DSCAM: variants seen among roughly 807,000 people sequenced by gnomAD.
The protein encoded by DSCAM is cell adhesion molecule DSCAM.
In DSCAM, 47 loss-of-function variants were observed where a neutral mutation model predicts 217.7. That is an observed-to-expected ratio of 0.22 (90% CI 0.17 to 0.28). The LOEUF (loss-of-function observed/expected upper bound fraction) is 0.28. Among genes scored for constraint, DSCAM ranks in the 10% least tolerant of loss-of-function variants. The pLI is 1.00. For synonymous variants in DSCAM, 1,056 were observed against 1,015.3 expected (o/e 1.04, Z -0.76); for missense variants, 2,080 against 2,618.3 (o/e 0.79, Z 4.49).
chr21:40,661,289 C>G (rs1018049186), intron 3 of DSCAM, among the ~76,000 whole-genome samples: 2 of 152,156 alleles, frequency 1.3e-5, no homozygotes, highest in African/African-American at 4.8e-5. Context: ...TCAATTCTAT[C>G]TAACACTCGT....
At chr21:40,577,566 C>T (rs1474686909) in intron 3 of DSCAM, among the ~76,000 whole-genome samples, 1 of 151,748 alleles carries the variant, frequency 6.6e-6, no homozygotes, top group Non-Finnish European at 1.5e-5. Context: ...CCAGGCAAGT[C>T]AGAGAAAACG....
At chr21:40,502,960 A>G (rs916216781) in intron 3 of DSCAM, among the ~76,000 whole-genome samples, 2 of 152,262 alleles carry the variant, frequency 1.3e-5, no homozygotes, top group South Asian at 2.1e-4. Flanking sequence ...CATGGGCTCC[A>G]TGAGTTTGCC....
chr21:40,364,295 T>G (rs537340017), intron 4 of DSCAM, among the ~76,000 whole-genome samples: 3 of 152,068 alleles, frequency 2.0e-5, no homozygotes, highest in Non-Finnish European at 2.9e-5. Flanking sequence ...CCAACAATGA[T>G]AGACTGGATT....
intron 3 of DSCAM, among the ~76,000 whole-genome samples, chr21:40,446,849 G>A (rs1325901253): frequency 6.6e-6 from 1 of 152,138 alleles, no homozygotes; most frequent in African/African-American, 2.4e-5. Context: ...AAATCCCTAT[G>A]ACTTTCAAAG....
intron 11 of DSCAM, among the ~76,000 whole-genome samples, chr21:40,227,304 T>C (rs2091342025): frequency 6.6e-6 from 1 of 152,218 alleles, no homozygotes; most frequent in African/African-American, 2.4e-5. Context: ...AGGTGCATCC[T>C]GTGAGAATCA....
At chr21:40,520,591 G>A (rs1460707278) in intron 3 of DSCAM, among the ~76,000 whole-genome samples, 2 of 152,020 alleles carry the variant, frequency 1.3e-5, no homozygotes, top group Non-Finnish European at 2.9e-5. Context: ...GGCAGATCAC[G>A]AGATCAGGAG....
chr21:40,807,058 T>C (rs1191725097), intron 1 of DSCAM, among the ~76,000 whole-genome samples: 1 of 152,162 alleles, frequency 6.6e-6, no homozygotes, highest in Non-Finnish European at 1.5e-5. Flanking sequence ...TGTATACCTA[T>C]GTAACAAATC....
chr21:40,227,160 A>G (rs1027140790), intron 11 of DSCAM, among the ~76,000 whole-genome samples: 3 of 152,174 alleles, frequency 2.0e-5, no homozygotes, highest in African/African-American at 7.2e-5. Flanking sequence ...CTAGGAGGAA[A>G]AAAAAATCAT....
At chr21:40,393,271 C>A (rs2075150183) in intron 3 of DSCAM, among the ~76,000 whole-genome samples, 1 of 152,196 alleles carries the variant, frequency 6.6e-6, no homozygotes, top group Admixed American at 6.5e-5. Flanking sequence ...ATCTCCAGAT[C>A]CACGTGCATG....
At chr21:40,376,665 A>AGATATC (rs1232014188) in intron 3 of DSCAM, among the ~76,000 whole-genome samples, 29 of 103,476 alleles carry the variant, frequency 2.8e-4, no homozygotes, top group African/African-American at 1.2e-3. Context: ...TATATATCTT[A>AGATATC]TATAGATATC....
chr21:40,194,384 T>A (rs1488446864), intron 11 of DSCAM, among the ~76,000 whole-genome samples: 2 of 152,216 alleles, frequency 1.3e-5, no homozygotes, highest in Admixed American at 6.5e-5. Flanking sequence ...CAGTTATGGA[T>A]GCCTAGAGAT....
chr21:40,792,137 C>CTTTTTTTTTTTTTTTTTTTTTT (rs67838146), intron 1 of DSCAM, among the ~76,000 whole-genome samples: 1 of 118,606 alleles, frequency 8.4e-6, no homozygotes, highest in African/African-American at 3.7e-5. Context: ...TCTTCTTCTT[C>CTTTTTTTTTTTTTTTTTTTTTT]TTTTTTTTTT....
At chr21:40,355,601 T>A (rs544774891) in intron 4 of DSCAM, among the ~76,000 whole-genome samples, 111 of 152,316 alleles carry the variant, frequency 7.3e-4, no homozygotes, top group African/African-American at 2.6e-3. Flanking sequence ...CTCTTCTAAT[T>A]CAACCTGTTT....
chr21:40,719,703 C>T (rs1250663555), intron 1 of DSCAM, among the ~76,000 whole-genome samples: 1 of 152,194 alleles, frequency 6.6e-6, no homozygotes, highest in African/African-American at 2.4e-5. Context: ...AAGGGATTTA[C>T]ACTGTATTGT....
At chr21:40,493,362 A>G (rs764643556) in intron 3 of DSCAM, among the ~76,000 whole-genome samples, 40 of 152,186 alleles carry the variant, frequency 2.6e-4, no homozygotes, top group Non-Finnish European at 4.3e-4. Flanking sequence ...GAACATTAAT[A>G]AACAACACGA....
At chr21:40,804,603 C>T (rs1260313698) in intron 1 of DSCAM, among the ~76,000 whole-genome samples, 1 of 152,112 alleles carries the variant, frequency 6.6e-6, no homozygotes, top group Admixed American at 6.5e-5. Flanking sequence ...CTTTGCAACT[C>T]ACCCTAACCT....
chr21:40,515,819 T>C (rs2076294832), intron 3 of DSCAM, among the ~76,000 whole-genome samples: 1 of 152,176 alleles, frequency 6.6e-6, no homozygotes, highest in South Asian at 2.1e-4. Flanking sequence ...ATGAAGTATC[T>C]CATGTGTCTA....
Position 40,435,647 on chromosome 21 carries a change from C to T in DSCAM, c.509-66402G>A, listed in dbSNP as rs529083173. 2.2e-4 allele frequency among the ~76,000 whole-genome samples: 33 copies of T among 151,738 alleles called. No homozygotes were observed. The South Asian group carries it at 6.9e-3, about 32-fold the overall frequency. On this transcript the variant is annotated intron_variant, in intron 3 of 32. Coordinates refer to ENST00000400454, the MANE Select transcript of DSCAM (RefSeq NM_001389.5). ...GTTTTATGGAAACAAGACTATCATC[C>T]CTCCTTTGAATTGCTTTTGTACCTT... is the stretch of plus-strand genomic sequence containing the variant.
intron 1 of DSCAM, among the ~76,000 whole-genome samples, chr21:40,822,377 A>G (rs1007501307): frequency 1.4e-5 from 2 of 147,252 alleles, no homozygotes; most frequent in Non-Finnish European, 3.0e-5. Flanking sequence ...AGCTCATTTT[A>G]TAATCTAACT....
Sources: gnomAD v4.1 joint callset for allele counts (sites outside exome capture counted in the v4.1 genomes callset) on GRCh38, gnomAD v4.1.1 for gene constraint, MANE v1.5 for transcripts, NCBI Gene and HGNC (gene_info 2026-07-23, HGNC 2026-07-21) for gene names.